Variants in WDR70 observed in about 807,000 individuals in gnomAD.
The protein encoded by WDR70 is WD repeat domain 70.
WDR70 carries 53 observed loss-of-function variants against 88.6 expected under a neutral mutation model. The ratio of observed to expected loss-of-function variants is 0.60; its 90% CI spans 0.48 to 0.75. The LOEUF (loss-of-function observed/expected upper bound fraction) is 0.75. Ranked by LOEUF, WDR70 falls within the 30% of genes least tolerant of loss-of-function variation. WDR70 has a pLI of 0.00. For missense variants in WDR70, 610 were observed against 823.2 expected (o/e 0.74, Z 3.17); for synonymous variants, 280 against 270.0 (o/e 1.04, Z -0.36).
chr5:37,673,041 C>T (rs71619877), intron 10 of WDR70, among the ~76,000 whole-genome samples: 1 of 152,158 alleles, frequency 6.6e-6, no homozygotes, highest in Non-Finnish European at 1.5e-5. Flanking sequence ...TCCTGATCCT[C>T]TCTCTCCTCC....
chr5:37,561,581 T>G (rs1742504490), intron 9 of WDR70, among the ~76,000 whole-genome samples: 1 of 152,234 alleles, frequency 6.6e-6, no homozygotes, highest in African/African-American at 2.4e-5. Context: ...TGGCAGCTGC[T>G]TTGTTGGCAT....
At chr5:37,644,438 T>C (rs1037049471) in intron 10 of WDR70, among the ~76,000 whole-genome samples, 1 of 152,094 alleles carries the variant, frequency 6.6e-6, no homozygotes, top group African/African-American at 2.4e-5. Context: ...TGGCCCATCA[T>C]TTTCTTCTTT....
chr5:37,519,634 A>G (rs1364194151), intron 9 of WDR70, among the ~76,000 whole-genome samples: 16 of 130,982 alleles, frequency 1.2e-4, no homozygotes, highest in Non-Finnish European at 4.8e-5. Flanking sequence ...GGCGCTCCTC[A>G]CCTCCCAGAC....
intron 9 of WDR70, among the ~76,000 whole-genome samples, chr5:37,546,102 T>C (rs1026063792): frequency 2.0e-5 from 3 of 152,208 alleles, no homozygotes; most frequent in Non-Finnish European, 2.9e-5. Context: ...TTATTTATAA[T>C]TAAGCCTTTA....
chr5:37,431,693 C>G (rs1391027661), intron 5 of WDR70, among the ~76,000 whole-genome samples: 4 of 152,194 alleles, frequency 2.6e-5, no homozygotes, highest in African/African-American at 9.6e-5. Context: ...AACTCTATAT[C>G]CATTAAATAG....
chr5:37,624,058 C>T (rs980528402), intron 10 of WDR70, among the ~76,000 whole-genome samples: 1 of 152,086 alleles, frequency 6.6e-6, no homozygotes, highest in African/African-American at 2.4e-5. Context: ...TGGGAATTTT[C>T]AGTATCGTCA....
chr5:37,525,807 ACC>A (rs1741249577), intron 9 of WDR70, among the ~76,000 whole-genome samples: 2 of 152,226 alleles, frequency 1.3e-5, no homozygotes, highest in African/African-American at 4.8e-5. Flanking sequence ...GGATATCACC[ACC>A]GATCTCACAG....
intron 4 of WDR70, among the ~76,000 whole-genome samples, chr5:37,395,166 A>G (rs533395208): frequency 1.3e-5 from 2 of 152,296 alleles, no homozygotes; most frequent in East Asian, 3.9e-4. Flanking sequence ...AGAATGCTGA[A>G]TGCTCAACTC....
intron 10 of WDR70, among the ~76,000 whole-genome samples, chr5:37,679,734 G>A (rs904506803): frequency 5.6e-4 from 86 of 152,316 alleles, no homozygotes; most frequent in African/African-American, 1.9e-3. Context: ...CTCCAGCTGC[G>A]TGCTGGGAGA....
intron 10 of WDR70, among the ~76,000 whole-genome samples, chr5:37,622,917 G>C (rs1039238451): frequency 1.3e-5 from 2 of 151,920 alleles, no homozygotes; most frequent in Non-Finnish European, 2.9e-5. Flanking sequence ...ATTCTAACCT[G>C]TCAAAAATGT....
chr5:37,461,311 C>G (rs1167563047), intron 7 of WDR70, among the ~76,000 whole-genome samples: 1 of 152,068 alleles, frequency 6.6e-6, no homozygotes, highest in African/African-American at 2.4e-5. Context: ...TGGTGAGACA[C>G]AGGCTGAAAA....
chr5:37,397,651 C>T (rs60370046), intron 5 of WDR70, among the ~76,000 whole-genome samples: 6,972 of 152,172 alleles, frequency 0.046, 561 homozygotes, highest in African/African-American at 0.16. Context: ...CCAGGGATAC[C>T]GGTTAACCTT....
chr5:37,403,763 G>T (rs1749271549), intron 5 of WDR70, among the ~76,000 whole-genome samples: 1 of 151,826 alleles, frequency 6.6e-6, no homozygotes, highest in Non-Finnish European at 1.5e-5. Context: ...TTTCAAACAG[G>T]CTGGAGTGCA....
chr5:37,563,515 G>A (rs1319564718), intron 9 of WDR70, among the ~76,000 whole-genome samples: 1 of 54,052 alleles, frequency 1.9e-5, no homozygotes, highest in African/African-American at 5.6e-5. Context: ...GGGCAGAGGC[G>A]CCCCTCACCT....
At chr5:37,443,706 A>G (rs1163393216) in intron 7 of WDR70, among the ~76,000 whole-genome samples, 2 of 152,214 alleles carry the variant, frequency 1.3e-5, no homozygotes, top group African/African-American at 4.8e-5. Context: ...TACAAAAATT[A>G]GCTGGGCGTG....
chr5:37,587,427 C>T (rs567881006), intron 9 of WDR70, among the ~76,000 whole-genome samples: 29 of 152,114 alleles, frequency 1.9e-4, no homozygotes, highest in Middle Eastern at 3.4e-3. Context: ...ACTCCCCACC[C>T]CGACACCCGT....
chr5:37,691,637 G>A (rs1256031626), intron 10 of WDR70, among the ~76,000 whole-genome samples: 1 of 152,170 alleles, frequency 6.6e-6, no homozygotes. Context: ...AATGAAGGCA[G>A]AAATAAAGAT....
intron 9 of WDR70, among the ~76,000 whole-genome samples, chr5:37,593,721 C>T (rs1045314446): frequency 3.9e-5 from 6 of 152,206 alleles, no homozygotes; most frequent in Admixed American, 1.3e-4. Context: ...TGAGGAATCG[C>T]CACACTGTCT....
intron 7 of WDR70, among the ~76,000 whole-genome samples, chr5:37,462,373 G>T (rs190310215): frequency 2.6e-5 from 4 of 152,196 alleles, no homozygotes; most frequent in Non-Finnish European, 5.9e-5. Context: ...CGTGATCCTG[G>T]CTCACTGCAA....
Sources: gnomAD v4.1 joint callset for allele counts (sites outside exome capture counted in the v4.1 genomes callset) on GRCh38, gnomAD v4.1.1 for gene constraint, MANE v1.5 for transcripts, NCBI Gene and HGNC (gene_info 2026-07-23, HGNC 2026-07-21) for gene names.